PLPPR1: variants seen among roughly 807,000 people sequenced by gnomAD.
PLPPR1 encodes the protein phospholipid phosphatase related 1.
In PLPPR1, 10 loss-of-function variants were observed where a neutral mutation model predicts 33.1. The ratio of observed to expected loss-of-function variants is 0.30; its 90% CI spans 0.19 to 0.51. PLPPR1 has a LOEUF of 0.51. PLPPR1 is among the 20% of genes least tolerant of loss of function. PLPPR1 has a pLI of 0.97. For missense variants in PLPPR1, 304 were observed against 408.1 expected (o/e 0.74, Z 2.20); for synonymous variants, 151 against 151.0 (o/e 1.00, Z 0.00).
chr9:101,125,529 C>T, intron 1 of PLPPR1: 2 of 406,436 alleles, frequency 4.9e-6, no homozygotes, highest in Non-Finnish European at 9.2e-6. Context: ...GGACCCAGCA[C>T]CAGATTGAAG....
chr9:101,164,151 G>C (rs1377602786), intron 1 of PLPPR1, among the ~76,000 whole-genome samples: 4 of 152,104 alleles, frequency 2.6e-5, no homozygotes, highest in Non-Finnish European at 5.9e-5. Context: ...AGAAGTTGAT[G>C]TGGTGACTAA....
chr9:101,294,632 G>T (rs918905760), intron 4 of PLPPR1, among the ~76,000 whole-genome samples: 3 of 152,174 alleles, frequency 2.0e-5, no homozygotes, highest in Non-Finnish European at 4.4e-5. Flanking sequence ...TCCCTGGGAT[G>T]CAAGGCTGGT....
chr9:101,297,985 G>C (rs138644321), intron 4 of PLPPR1, among the ~76,000 whole-genome samples: 5 of 151,946 alleles, frequency 3.3e-5, no homozygotes, highest in African/African-American at 1.2e-4. Context: ...ATATACTTGA[G>C]TAAATATTTT....
At chr9:101,231,920 A>G (rs978712891) in intron 2 of PLPPR1, among the ~76,000 whole-genome samples, 2 of 152,024 alleles carry the variant, frequency 1.3e-5, no homozygotes, top group African/African-American at 4.8e-5. Flanking sequence ...TACTTTTTCT[A>G]TCTTATACTT....
At chr9:101,139,100 G>A (rs1831414111) in intron 1 of PLPPR1, among the ~76,000 whole-genome samples, 1 of 151,766 alleles carries the variant, frequency 6.6e-6, no homozygotes, top group African/African-American at 2.4e-5. Context: ...GTCTTCAAAG[G>A]GTGAAGAAAT....
chr9:101,226,727 A>G (rs1179010893), intron 2 of PLPPR1, among the ~76,000 whole-genome samples: 2 of 152,122 alleles, frequency 1.3e-5, no homozygotes, highest in Admixed American at 6.6e-5. Flanking sequence ...GGATTTCAAC[A>G]TATAAATTTG....
At chr9:101,270,091 C>G (rs771124789) in intron 3 of PLPPR1, 23 bp downstream of exon 3, 5 of 1,610,590 alleles carry the variant, frequency 3.1e-6, no homozygotes, top group East Asian at 4.5e-5. Context: ...ATAGACTTTC[C>G]TCTTTATTGT....
chr9:101,261,502 A>G (rs958396988), intron 2 of PLPPR1, among the ~76,000 whole-genome samples: 3 of 152,182 alleles, frequency 2.0e-5, no homozygotes, highest in African/African-American at 7.2e-5. Context: ...ACACTGGTAC[A>G]TTTGAAGTCC....
chr9:101,088,703 A>G (rs1483224560), intron 1 of PLPPR1, among the ~76,000 whole-genome samples: 1 of 152,170 alleles, frequency 6.6e-6, no homozygotes, highest in Non-Finnish European at 1.5e-5. Context: ...ACATTTTTTT[A>G]TTGCTCTCAC....
intron 1 of PLPPR1, among the ~76,000 whole-genome samples, chr9:101,124,863 A>G (rs1259433614): frequency 1.3e-5 from 2 of 152,242 alleles, no homozygotes; most frequent in Non-Finnish European, 2.9e-5. Context: ...CGGCCTTAAG[A>G]TGAGTTAACG....
chr9:101,068,890 G>T (rs1830450538), intron 1 of PLPPR1, among the ~76,000 whole-genome samples: 1 of 152,122 alleles, frequency 6.6e-6, no homozygotes, highest in Non-Finnish European at 1.5e-5. Flanking sequence ...GATAGGAAAA[G>T]GGCTCTGTCT....
chr9:101,299,405 G>A (rs531190588), intron 4 of PLPPR1, among the ~76,000 whole-genome samples: 8 of 152,318 alleles, frequency 5.3e-5, no homozygotes, highest in East Asian at 1.9e-4. Flanking sequence ...CCTAGAAGGC[G>A]TAGCCAGGGA....
At chr9:101,235,738 A>C (rs1588087354) in intron 2 of PLPPR1, among the ~76,000 whole-genome samples, 1 of 151,914 alleles carries the variant, frequency 6.6e-6, no homozygotes, top group East Asian at 1.9e-4. Flanking sequence ...GAAAATGAGA[A>C]CATAAACCTC....
At chr9:101,118,178 A>G (rs781247135) in intron 1 of PLPPR1, among the ~76,000 whole-genome samples, 1 of 152,238 alleles carries the variant, frequency 6.6e-6, no homozygotes, top group Non-Finnish European at 1.5e-5. Flanking sequence ...AACAGAGGCT[A>G]TGACCTGCTG....
chr9:101,030,623 C>A (rs1385010893), intron 1 of PLPPR1, among the ~76,000 whole-genome samples: 3 of 151,644 alleles, frequency 2.0e-5, no homozygotes, highest in Non-Finnish European at 2.9e-5. Flanking sequence ...ACGTCAGGAG[C>A]CTTGTATTTT....
intron 1 of PLPPR1, among the ~76,000 whole-genome samples, chr9:101,144,611 G>A (rs1831498992): frequency 6.6e-6 from 1 of 152,046 alleles, no homozygotes; most frequent in African/African-American, 2.4e-5. Context: ...CATTAACCTT[G>A]GACTTCCAGC....
At chr9:101,135,703 C>T (rs941954623) in intron 1 of PLPPR1, among the ~76,000 whole-genome samples, 3 of 152,162 alleles carry the variant, frequency 2.0e-5, no homozygotes, top group African/African-American at 4.8e-5. Flanking sequence ...GAGTTACCTC[C>T]GGCTTAAAGG....
intron 1 of PLPPR1, among the ~76,000 whole-genome samples, chr9:101,086,817 A>G (rs577306671): frequency 2.0e-5 from 3 of 152,168 alleles, no homozygotes; most frequent in Non-Finnish European, 2.9e-5. Context: ...CTATATCCAC[A>G]GTGTTCCAAG....
intron 3 of PLPPR1, among the ~76,000 whole-genome samples, chr9:101,274,206 T>A (rs1191119929): frequency 6.6e-6 from 1 of 152,160 alleles, no homozygotes; most frequent in African/African-American, 2.4e-5. Context: ...CCAAATATAT[T>A]ACATAAATGA....
Sources: gnomAD v4.1 joint callset for allele counts (sites outside exome capture counted in the v4.1 genomes callset) on GRCh38, gnomAD v4.1.1 for gene constraint, MANE v1.5 for transcripts, NCBI Gene and HGNC (gene_info 2026-07-23, HGNC 2026-07-21) for gene names.